The following GABRB1 variants were observed in gnomAD, a reference collection of about 807,000 sequenced individuals.
GABRB1 encodes gamma-aminobutyric acid receptor subunit beta-1.
GABRB1 carries 17 observed loss-of-function variants against 51.6 expected under a neutral mutation model. That is an observed-to-expected ratio of 0.33 (90% CI 0.23 to 0.49). The LOEUF (loss-of-function observed/expected upper bound fraction) is 0.49, where lower values mean the gene tolerates loss of function less well. Among genes scored for constraint, GABRB1 ranks in the 20% least tolerant of loss-of-function variants. GABRB1 has a pLI of 0.99. For synonymous variants in GABRB1, 247 were observed against 218.9 expected, an observed-to-expected ratio of 1.13 and a Z score of -1.14; for missense variants, 410 against 600.6, an observed-to-expected ratio of 0.68 and a Z score of 3.32.
At chr4:47,134,658 G>C (rs776051627) in intron 3 of GABRB1, among the ~76,000 whole-genome samples, 4 of 152,148 alleles carry the variant, frequency 2.6e-5, no homozygotes, top group Non-Finnish European at 4.4e-5. Context: ...ATGTGTGATT[G>C]ACATTCCTAG....
rs1436097864 is a variant in GABRB1, at chr4:47,426,113, A to G, written c.*95A>G. 5 of 1,021,114 alleles carry G rather than the reference A, an allele frequency of 4.9e-6. No individual in the cohort carries two copies. The highest frequency in any genetic ancestry group is 7.1e-6 in the Non-Finnish European group (5 of 701,636). 63.3% of individuals were successfully genotyped at this position (1,021,114 alleles called of 1,614,324 possible). On this transcript the variant is annotated 3_prime_UTR_variant, in exon 9 of 9. Transcript: ENST00000295454. Reference sequence around the variant, plus strand: ...CAGCGATACTGCTGTTTCTCGAGGTAAGAGATTCAGCCATCCAATTGGTTT... The same window carrying G: ...CAGCGATACTGCTGTTTCTCGAGGTGAGAGATTCAGCCATCCAATTGGTTT...
intron 3 of GABRB1, among the ~76,000 whole-genome samples, chr4:47,159,484 G>A (rs548642746): frequency 1.3e-5 from 2 of 148,630 alleles, no homozygotes; most frequent in African/African-American, 5.0e-5. Context: ...GGTAGTAACT[G>A]AGGACTGTAA....
intron 5 of GABRB1, among the ~76,000 whole-genome samples, chr4:47,354,193 C>T (rs1242807176): frequency 6.6e-6 from 1 of 152,146 alleles, no homozygotes; most frequent in Non-Finnish European, 1.5e-5. Flanking sequence ...ACCTATTGTC[C>T]AGCATTGACT....
chr4:47,296,157 C>T (rs887105933), intron 4 of GABRB1, among the ~76,000 whole-genome samples: 2 of 152,092 alleles, frequency 1.3e-5, no homozygotes, highest in Non-Finnish European at 2.9e-5. Context: ...CAAAATCATG[C>T]CAAATTGTAA....
chr4:47,160,612 A>T (rs1421349479), intron 3 of GABRB1, among the ~76,000 whole-genome samples: 1 of 152,074 alleles, frequency 6.6e-6, no homozygotes, highest in Non-Finnish European at 1.5e-5. Context: ...GTGAACATAG[A>T]TTCCTCTGTA....
At chr4:47,130,232 C>T (rs1716347778) in intron 3 of GABRB1, among the ~76,000 whole-genome samples, 1 of 152,158 alleles carries the variant, frequency 6.6e-6, no homozygotes, top group East Asian at 1.9e-4. Context: ...ATAAAGACCA[C>T]AAGATTTAAG....
At chr4:47,168,022 T>C (rs1234723590) in intron 4 of GABRB1, among the ~76,000 whole-genome samples, 1 of 152,186 alleles carries the variant, frequency 6.6e-6, no homozygotes, top group Non-Finnish European at 1.5e-5. Context: ...GTACTTGTGT[T>C]GTTGAGTGTG....
chr4:47,369,112 T>TA (rs796104553), intron 5 of GABRB1, among the ~76,000 whole-genome samples: 1 of 149,856 alleles, frequency 6.7e-6, no homozygotes, highest in Non-Finnish European at 1.5e-5. Flanking sequence ...CGTCTCAATT[T>TA]AAAAAAATTT....
At chr4:47,262,973 C>T (rs1426564188) in intron 4 of GABRB1, among the ~76,000 whole-genome samples, 1 of 139,412 alleles carries the variant, frequency 7.2e-6, no homozygotes, top group Non-Finnish European at 1.5e-5. Flanking sequence ...TGTTCTCACT[C>T]ATAGGTGGGA....
chr4:47,211,716 C>G (rs1282560136), intron 4 of GABRB1, among the ~76,000 whole-genome samples: 1 of 152,192 alleles, frequency 6.6e-6, no homozygotes, highest in Non-Finnish European at 1.5e-5. Context: ...TTTCACTGTG[C>G]TAAAGTCAAG....
At chr4:47,098,192 G>A (rs932472815) in intron 3 of GABRB1, among the ~76,000 whole-genome samples, 2 of 146,582 alleles carry the variant, frequency 1.4e-5, no homozygotes, top group Non-Finnish European at 3.0e-5. Context: ...ACACACACAT[G>A]TTTTTCAGTC....
At chr4:47,240,526 A>G (rs1721481998) in intron 4 of GABRB1, among the ~76,000 whole-genome samples, 1 of 152,244 alleles carries the variant, frequency 6.6e-6, no homozygotes, top group South Asian at 2.1e-4. Context: ...AGTGAGAGCT[A>G]GACAGAAAGG....
At chr4:47,285,419 A>G (rs1723470494) in intron 4 of GABRB1, among the ~76,000 whole-genome samples, 1 of 152,246 alleles carries the variant, frequency 6.6e-6, no homozygotes, top group African/African-American at 2.4e-5. Context: ...TTTTAAAGTC[A>G]ATTGTTACAT....
intron 5 of GABRB1, among the ~76,000 whole-genome samples, chr4:47,384,210 A>G (rs1042540608): frequency 3.3e-5 from 5 of 152,100 alleles, no homozygotes; most frequent in Non-Finnish European, 7.4e-5. Context: ...CTCTTTCCAT[A>G]TATAATCTTT....
chr4:47,102,648 C>T (rs1714771890), intron 3 of GABRB1, among the ~76,000 whole-genome samples: 1 of 151,776 alleles, frequency 6.6e-6, no homozygotes, highest in South Asian at 2.1e-4. Context: ...ATGAGCAAGT[C>T]AATGTCAGGT....
At chr4:47,163,583 G>A (rs146566365) in intron 4 of GABRB1, among the ~76,000 whole-genome samples, 1,706 of 152,052 alleles carry the variant, frequency 0.011, 31 homozygotes, top group African/African-American at 0.039. Context: ...ACTACCTATT[G>A]AGTGCTATAT....
Position 46,994,315 on chromosome 4 carries a change from G to A in GABRB1, c.-20+389G>A, listed in dbSNP as rs548390025. 4 of 152,242 alleles carry A rather than the reference G, an allele frequency of 2.6e-5. No individual in the cohort carries two copies. In the East Asian group the frequency reaches 7.7e-4, roughly 29 times the overall value. The allele number at this position is 152,242 out of a possible 1,614,324, so 9.4% of individuals were successfully genotyped here. ...TCCTTTTCTGGAGAGGAGGGGAGAG[G>A]TGGAGACAAGCGACCTCTGGTCAAA... is the stretch of plus-strand genomic sequence containing the variant. On this transcript the variant is annotated intron_variant, in intron 1 of 3. Transcript: ENST00000513567.
chr4:47,045,891 T>G (rs1308006744), intron 3 of GABRB1, among the ~76,000 whole-genome samples: 1 of 152,068 alleles, frequency 6.6e-6, no homozygotes, highest in Non-Finnish European at 1.5e-5. Flanking sequence ...AACCAGGCAC[T>G]GTTATGAGAG....
chr4:47,239,655 G>A (rs938085375), intron 4 of GABRB1, among the ~76,000 whole-genome samples: 2 of 152,150 alleles, frequency 1.3e-5, no homozygotes, highest in East Asian at 3.8e-4. Context: ...CAGTGTTAAT[G>A]GCTTTTAAGT....
Sources: allele counts gnomAD v4.1 joint callset (sites outside exome capture counted in the v4.1 genomes callset), GRCh38; gene constraint gnomAD v4.1.1; transcripts MANE v1.5; gene names NCBI Gene and HGNC (gene_info 2026-07-23, HGNC 2026-07-21).